Variants in LRIG1 observed in about 807,000 individuals in gnomAD.
LRIG1 encodes leucine rich repeats and immunoglobulin like domains 1, also known as leucine-rich repeats and immunoglobulin-like domains protein 1.
LRIG1 carries 48 observed loss-of-function variants against 99.2 expected under a neutral mutation model. That is an observed-to-expected ratio of 0.48 (90% CI 0.38 to 0.62). LRIG1 has a LOEUF of 0.62. LRIG1 is among the 20% of genes least tolerant of loss of function. The probability of loss-of-function intolerance (pLI) is 0.00; values close to 1 mark genes in which losing one functional copy is unlikely to be tolerated. For missense variants in LRIG1, 1,646 were observed against 1,434.4 expected (o/e 1.15, Z -2.38); for synonymous variants, 772 against 596.1 (o/e 1.29, Z -4.30).
chr3:66,489,058 G>C (rs1053326040), intron 1 of LRIG1, among the ~76,000 whole-genome samples: 1 of 152,168 alleles, frequency 6.6e-6, no homozygotes, highest in African/African-American at 2.4e-5. Context: ...CTTTGGGCCA[G>C]AGGGGAAAAG....
chr3:66,394,376 A>G (rs1701759247), intron 11 of LRIG1, among the ~76,000 whole-genome samples, 173 bp from the exon 12 acceptor site: 1 of 152,242 alleles, frequency 6.6e-6, no homozygotes, highest in Non-Finnish European at 1.5e-5. Context: ...GGCAGTGCAT[A>G]TAACCCACCT....
chr3:66,483,403 C>T (rs955826880), intron 1 of LRIG1, among the ~76,000 whole-genome samples: 1 of 152,224 alleles, frequency 6.6e-6, no homozygotes, highest in Non-Finnish European at 1.5e-5. Flanking sequence ...AAGTCTCCTG[C>T]CATAGAAGCT....
intron 1 of LRIG1, among the ~76,000 whole-genome samples, chr3:66,474,979 G>A (rs1245468424): frequency 6.6e-6 from 1 of 152,150 alleles, no homozygotes; most frequent in Non-Finnish European, 1.5e-5. Context: ...GTACTCCACA[G>A]CCTCTCTGTG....
chr3:66,488,350 T>C (rs1405030201), intron 1 of LRIG1, among the ~76,000 whole-genome samples: 1 of 151,372 alleles, frequency 6.6e-6, no homozygotes, highest in East Asian at 1.9e-4. Context: ...CAGCCGGGCG[T>C]GGTGGCTCAC....
chr3:66,417,171 A>G lies in LRIG1; in HGVS notation c.461T>C (p.Val154Ala). 1 of 1,614,142 alleles carries G rather than the reference A, an allele frequency of 6.2e-7. No homozygotes were observed. The highest frequency in any genetic ancestry group is 8.5e-7 in the Non-Finnish European group (1 of 1,180,018). ...TCCGTGTGGAAAGCAGGTGTTCCGC[A>G]CTTCCGTGATGTTGTTCAAACTCAG... is the stretch of plus-strand genomic sequence containing the variant. ...LDLSLNNITE[V>A]RNTCFPHGPP... The change falls in exon 4 of 19, where the codon GTG becomes GCG. Residue 154 changes from valine to alanine, a missense_variant. By Grantham distance (64) the Val-to-Ala change is moderately conservative. Coordinates refer to ENST00000273261, the MANE Select transcript of LRIG1 (RefSeq NM_015541.3).
intron 16 of LRIG1, among the ~76,000 whole-genome samples, 180 bp from the exon 17 acceptor site, chr3:66,381,811 G>A (rs1449723654): frequency 6.6e-6 from 1 of 152,196 alleles, no homozygotes; most frequent in Non-Finnish European, 1.5e-5. Flanking sequence ...CAGGCAGGCT[G>A]GCCTTGTGAA....
chr3:66,402,270 C>G (rs1336702482), intron 9 of LRIG1, among the ~76,000 whole-genome samples: 1 of 152,180 alleles, frequency 6.6e-6, no homozygotes, highest in African/African-American at 2.4e-5. Flanking sequence ...CGTGCAGGCC[C>G]CAGCCCGGGA....
chr3:66,399,958 C>A lies in LRIG1; in HGVS notation c.1161-917G>T, dbSNP rs565568647. 9.2e-5 allele frequency among the ~76,000 whole-genome samples: 14 copies of A among 152,344 alleles called. No individual in the cohort carries two copies. In the South Asian group the frequency reaches 2.3e-3, roughly 25 times the overall value. ...CCATGGTGAGCTGTGTCCCTGCCTA[C>A]GAGAGGGACCCCTCAGGGCCTGCAG... On this transcript the variant is annotated intron_variant, in intron 9 of 18. Coordinates refer to ENST00000273261, the MANE Select transcript of LRIG1 (RefSeq NM_015541.3).
In LRIG1 at chr3:66,390,774, T is replaced by C. The variant is rs115999236; in HGVS notation, c.1468+3266A>G. ...TCTCAGGCAAATAGTTTCTTTGATA[T>C]GACATCAAAAGCATACGTAATAAAA... On this transcript the variant is annotated intron_variant, in intron 12 of 18. Transcript: ENST00000273261. Among the ~76,000 whole-genome samples, 726 of 152,288 alleles carry C rather than the reference T, an allele frequency of 4.8e-3. 4 individuals are homozygous for C. The highest frequency in any genetic ancestry group is 0.017 in the African/African-American group (711 of 41,566).
chr3:66,422,289 C>T lies in LRIG1; in HGVS notation c.366-5023G>A, dbSNP rs144860229. Among the ~76,000 whole-genome samples, 979 of 152,324 alleles carry T rather than the reference C, an allele frequency of 6.4e-3. 12 individuals are homozygous for T. The highest frequency in any genetic ancestry group is 0.022 in the African/African-American group (900 of 41,572). On this transcript the variant is annotated intron_variant, in intron 3 of 18. Transcript: ENST00000273261. The stretch of plus-strand genomic sequence containing the variant: ...GGGATTTTCTTTTCTATTGCATTGT[C>T]AGGCTGCAAATTTTCCAAACTTTTA...
intron 17 of LRIG1, 34 bp from the exon 18 acceptor site, chr3:66,380,895 C>G (rs780894174): frequency 6.2e-7 from 1 of 1,604,516 alleles, no homozygotes; most frequent in Non-Finnish European, 8.5e-7. Flanking sequence ...GTTAGAGTCA[C>G]TGCTGTGGGA....
chr3:66,464,738 C>T (rs1223270641), intron 1 of LRIG1, among the ~76,000 whole-genome samples: 1 of 152,176 alleles, frequency 6.6e-6, no homozygotes, highest in East Asian at 1.9e-4. Context: ...TAACTTCCCT[C>T]ACTTCCCACC....
At chr3:66,464,300 C>T (rs1246299710) in intron 1 of LRIG1, among the ~76,000 whole-genome samples, 1 of 152,036 alleles carries the variant, frequency 6.6e-6, no homozygotes, top group Non-Finnish European at 1.5e-5. Flanking sequence ...ACCACAAAGG[C>T]AAGAGCTTAG....
chr3:66,384,187 G>A lies in LRIG1; in HGVS notation c.1875C>T (p.His625=), dbSNP rs778547713. Residue 625 remains histidine, a synonymous_variant, in exon 14 of 19, where the codon CAC becomes CAT. Coordinates refer to ENST00000273261, the MANE Select transcript of LRIG1 (RefSeq NM_015541.3). The part of the protein sequence containing the change: ...MARLECAATG[H]PNPQIAWQKD... ...TCTGCCAGGCAATCTGAGGGTTTGG[G>A]TGACCTGTGGCAGCACATTCGAGGC... 1.2e-6 allele frequency: 2 copies of A among 1,614,168 alleles called. No individual in the cohort carries two copies. Among genetic ancestry groups the A allele is most frequent in the Admixed American group, 1.7e-5 (1 of 60,020 alleles).
intron 1 of LRIG1, among the ~76,000 whole-genome samples, chr3:66,495,664 C>G (rs6805317): frequency 0.045 from 6,805 of 152,272 alleles, 520 homozygotes; most frequent in African/African-American, 0.15. Flanking sequence ...CTGTGCATGC[C>G]ACTTTTTAAA....
intron 10 of LRIG1, 81 bp from the exon 11 acceptor site, chr3:66,398,264 A>T (rs566369567): frequency 9.1e-7 from 1 of 1,098,116 alleles, no homozygotes; most frequent in Admixed American, 1.8e-5. Flanking sequence ...GGTTTCACAG[A>T]TGACCCACAG....
chr3:66,401,622 A>C (rs1233467278), intron 9 of LRIG1: 1 of 1,526,822 alleles, frequency 6.5e-7, no homozygotes, highest in Admixed American at 2.0e-5. Flanking sequence ...CCCCCAGCAG[A>C]CATATGGGGC....
Position 66,442,732 on chromosome 3 carries a change from G to A in LRIG1, c.365+8827C>T, listed in dbSNP as rs1044382169. 5.9e-5 allele frequency among the ~76,000 whole-genome samples: 9 copies of A among 152,206 alleles called. 1 individual carries two copies. The highest frequency in any genetic ancestry group is 1.9e-4 in the African/African-American group (8 of 41,542). On this transcript the variant is annotated intron_variant, in intron 3 of 18. Coordinates refer to ENST00000273261, the MANE Select transcript of LRIG1 (RefSeq NM_015541.3). The stretch of plus-strand genomic sequence containing the variant: ...AGCTTGCATGGTCATCAGGAAAAGG[G>A]AAAGAAAGAGAGAAAGAGGCGGGCG...
At chr3:66,446,070 G>A (rs889676925) in intron 3 of LRIG1, among the ~76,000 whole-genome samples, 1 of 152,134 alleles carries the variant, frequency 6.6e-6, no homozygotes, top group Admixed American at 6.5e-5. Context: ...AATGCGAACT[G>A]ATCTTTGCAT....
Sources: allele counts gnomAD v4.1 joint callset (sites outside exome capture counted in the v4.1 genomes callset), GRCh38; gene constraint gnomAD v4.1.1; transcripts MANE v1.5; gene names NCBI Gene and HGNC (gene_info 2026-07-23, HGNC 2026-07-21).